PTPRK: variants seen among roughly 807,000 people sequenced by gnomAD.
The protein encoded by PTPRK is protein tyrosine phosphatase receptor type K, also known as receptor-type tyrosine-protein phosphatase kappa.
Under a neutral mutation model 178.0 loss-of-function variants are expected in PTPRK, and 75 were observed. The observed-to-expected ratio is 0.42, with a 90% confidence interval of 0.35 to 0.51. The LOEUF (loss-of-function observed/expected upper bound fraction) is 0.51, where lower values mean the gene tolerates loss of function less well. Among genes scored for constraint, PTPRK ranks in the 20% least tolerant of loss-of-function variants. PTPRK has a pLI of 0.02. For missense variants in PTPRK, 1,441 were observed against 1,797.8 expected (o/e 0.80, Z 3.59); for synonymous variants, 637 against 620.6 (o/e 1.03, Z -0.39).
intron 15 of PTPRK, among the ~76,000 whole-genome samples, chr6:128,001,631 C>T (rs936947580): frequency 2.6e-5 from 4 of 151,808 alleles, no homozygotes; most frequent in African/African-American, 9.7e-5. Flanking sequence ...AAAACTCATA[C>T]ACATCATCTA....
At chr6:128,096,938 C>T (rs1788013237) in intron 7 of PTPRK, among the ~76,000 whole-genome samples, 1 of 152,150 alleles carries the variant, frequency 6.6e-6, no homozygotes, top group African/African-American at 2.4e-5. Context: ...CTTTGAAAGA[C>T]ATTGTCTTTT....
Position 128,402,441 on chromosome 6 carries a change from C to T in PTPRK, c.101-4753G>A, listed in dbSNP as rs140064769. 3.3e-3 allele frequency among the ~76,000 whole-genome samples: 497 copies of T among 152,086 alleles called. 2 individuals carry two copies. The highest frequency in any genetic ancestry group is 0.011 in the African/African-American group (471 of 41,496). On this transcript the variant is annotated intron_variant, in intron 1 of 29. Coordinates refer to ENST00000368226, the MANE Select transcript of PTPRK (RefSeq NM_002844.4). ...CTAATTTTTGTATTTTTAGTAGAGACGGGGTTTCACCATGTGGGGCCAGGA... is the reference window on the plus strand; with the variant it reads ...CTAATTTTTGTATTTTTAGTAGAGATGGGGTTTCACCATGTGGGGCCAGGA...
intron 3 of PTPRK, among the ~76,000 whole-genome samples, chr6:128,277,212 T>TGG (rs1481350726): frequency 6.6e-6 from 1 of 152,134 alleles, no homozygotes; most frequent in African/African-American, 2.4e-5. Context: ...ACGTTTAACT[T>TGG]GGAGCTAAGC....
At chr6:128,422,196 T>C (rs986826441) in intron 1 of PTPRK, among the ~76,000 whole-genome samples, 1 of 152,242 alleles carries the variant, frequency 6.6e-6, no homozygotes, top group Admixed American at 6.5e-5. Flanking sequence ...GAATTTAATA[T>C]TTTAGTTTCT....
At chr6:128,226,362 G>A (rs1038069832) in intron 5 of PTPRK, among the ~76,000 whole-genome samples, 37 of 152,166 alleles carry the variant, frequency 2.4e-4, no homozygotes, top group African/African-American at 8.9e-4. Flanking sequence ...TTTGATAACT[G>A]TGTCAGTCTT....
intron 2 of PTPRK, among the ~76,000 whole-genome samples, chr6:128,359,415 T>C (rs1276436447): frequency 6.6e-6 from 1 of 151,978 alleles, no homozygotes; most frequent in Admixed American, 6.6e-5. Flanking sequence ...CATTTAATAG[T>C]AATCCAAAAA....
rs372566716 is a variant in PTPRK, at chr6:128,083,787, T to G, written c.1503A>C (p.Thr501=). 11 of 1,606,538 alleles carry G rather than the reference T, an allele frequency of 6.8e-6. No homozygotes were observed. In the Admixed American group the frequency reaches 1.0e-4, roughly 15 times the overall value. The part of the protein sequence containing the change: ...GPVPVKSLQG[T]SFENKIFLNW... ...TCAAGAAGATCTTATTTTCAAAGGA[T>G]GTTCCTTGAAGAGATTTTACTGGTA... Residue 501 remains threonine, a synonymous_variant, in exon 9 of 30, where the codon ACA becomes ACC. Transcript: ENST00000368226.
At chr6:128,384,416 T>C (rs1838395340) in intron 2 of PTPRK, among the ~76,000 whole-genome samples, 2 of 152,312 alleles carry the variant, frequency 1.3e-5, no homozygotes, top group East Asian at 1.9e-4. Context: ...TATTTTTACT[T>C]ATGACTCAAA....
At chr6:128,226,703 A>C (rs1811357133) in intron 5 of PTPRK, among the ~76,000 whole-genome samples, 1 of 149,854 alleles carries the variant, frequency 6.7e-6, no homozygotes, top group Non-Finnish European at 1.5e-5. Context: ...TCCTTGCAGT[A>C]AATCTCTTCA....
At chr6:128,404,595 T>C (rs376839371) in intron 1 of PTPRK, among the ~76,000 whole-genome samples, 6 of 152,224 alleles carry the variant, frequency 3.9e-5, no homozygotes, top group African/African-American at 1.4e-4. Context: ...ACCTAATTTT[T>C]AGCTCTCAGG....
At chr6:128,251,381 T>C (rs1311321299) in intron 3 of PTPRK, among the ~76,000 whole-genome samples, 2 of 152,178 alleles carry the variant, frequency 1.3e-5, no homozygotes, top group Non-Finnish European at 1.5e-5. Flanking sequence ...CGATTCTTCA[T>C]CTAACCCCTA....
intron 3 of PTPRK, among the ~76,000 whole-genome samples, chr6:128,284,868 A>G (rs1488901591): frequency 1.3e-5 from 2 of 152,176 alleles, no homozygotes; most frequent in Non-Finnish European, 2.9e-5. Flanking sequence ...TCTGTTGTCA[A>G]CTTTAAAAAC....
intron 2 of PTPRK, among the ~76,000 whole-genome samples, chr6:128,378,875 C>A (rs184728007): frequency 2.4e-4 from 36 of 152,112 alleles, no homozygotes; most frequent in East Asian, 1.2e-3. Flanking sequence ...ATAATTCTTA[C>A]CCTATGCAAA....
chr6:128,322,423 T>G (rs1828931302), intron 2 of PTPRK, 113 bp from the exon 3 acceptor site: 3 of 1,064,894 alleles, frequency 2.8e-6, no homozygotes, highest in Non-Finnish European at 4.1e-6. Flanking sequence ...AAAAAGACTG[T>G]TTTCCAGAAC....
At chr6:128,321,538 A>C in intron 3 of PTPRK, 1 of 392,880 alleles carries the variant, frequency 2.5e-6, no homozygotes, top group Non-Finnish European at 4.5e-6. Flanking sequence ...TTAATTAATC[A>C]AAATTAAAAT....
intron 3 of PTPRK, among the ~76,000 whole-genome samples, chr6:128,291,887 CTTG>C (rs1823445201): frequency 6.6e-6 from 1 of 152,098 alleles, no homozygotes; most frequent in Non-Finnish European, 1.5e-5. Context: ...TTTAACTACT[CTTG>C]TTGTAGAAAA....
intron 6 of PTPRK, among the ~76,000 whole-genome samples, chr6:128,201,332 A>T (rs1051199597): frequency 2.0e-5 from 3 of 152,192 alleles, no homozygotes; most frequent in African/African-American, 7.2e-5. Context: ...CTTTTAATAA[A>T]CCACACTTAT....
chr6:128,496,274 A>G (rs559312454), intron 1 of PTPRK, among the ~76,000 whole-genome samples: 3 of 152,180 alleles, frequency 2.0e-5, no homozygotes, highest in Non-Finnish European at 4.4e-5. Context: ...TATCAGAAAA[A>G]ACATTTCCCT....
intron 2 of PTPRK, among the ~76,000 whole-genome samples, chr6:128,356,982 A>G (rs1453978674): frequency 6.6e-6 from 1 of 152,120 alleles, no homozygotes; most frequent in Non-Finnish European, 1.5e-5. Flanking sequence ...AAATTCCAAA[A>G]CTTTACACAA....
Sources: gnomAD v4.1 joint callset for allele counts (sites outside exome capture counted in the v4.1 genomes callset) on GRCh38, gnomAD v4.1.1 for gene constraint, MANE v1.5 for transcripts, NCBI Gene and HGNC (gene_info 2026-07-23, HGNC 2026-07-21) for gene names.